The following HMCN1 variants were observed in gnomAD, a reference collection of about 807,000 sequenced individuals.
The protein encoded by HMCN1 is hemicentin-1.
In HMCN1, 321 loss-of-function variants were observed where a neutral mutation model predicts 625.9. The observed-to-expected ratio is 0.51, with a 90% CI of 0.47 to 0.56. HMCN1 has a LOEUF of 0.56. Among genes scored for constraint, HMCN1 ranks in the 20% least tolerant of loss-of-function variants. The probability of loss-of-function intolerance (pLI) is 0.00; values close to 1 mark genes in which losing one functional copy is unlikely to be tolerated. For synonymous variants in HMCN1, 2,425 were observed against 2,417.6 expected, an observed-to-expected ratio of 1.00 and a Z score of -0.09; for missense variants, 6,588 against 6,887.3, an observed-to-expected ratio of 0.96 and a Z score of 1.54.
chr1:186,129,904 G>C (rs757066357), intron 83 of HMCN1, 62 bp from the exon 84 acceptor site: 60 of 1,599,444 alleles, frequency 3.8e-5, no homozygotes, highest in Non-Finnish European at 5.1e-5. Flanking sequence ...AAAATACTGA[G>C]CTGTCGTGAA....
At chr1:185,946,753 AG>A (rs1305268732) in intron 11 of HMCN1, among the ~76,000 whole-genome samples, 1 of 152,260 alleles carries the variant, frequency 6.6e-6, no homozygotes, top group Non-Finnish European at 1.5e-5. Context: ...TGTTAAGGAA[AG>A]AAAAAATAGT....
intron 11 of HMCN1, among the ~76,000 whole-genome samples, chr1:185,951,030 G>A (rs28865948): frequency 0.05 from 6,849 of 138,094 alleles, 301 homozygotes; most frequent in African/African-American, 0.14. Flanking sequence ...AGCGTGCTGC[G>A]GGATGGGATA....
chr1:186,057,991 C>T (rs1657455193), intron 46 of HMCN1, among the ~76,000 whole-genome samples: 1 of 151,926 alleles, frequency 6.6e-6, no homozygotes, highest in Non-Finnish European at 1.5e-5. Context: ...TTATTAATGA[C>T]TTGGTTACAG....
At chr1:185,811,359 T>A (rs1201642509) in intron 1 of HMCN1, among the ~76,000 whole-genome samples, 1 of 152,098 alleles carries the variant, frequency 6.6e-6, no homozygotes, top group Non-Finnish European at 1.5e-5. Flanking sequence ...CACAGTCTAC[T>A]TGAAACAGGT....
At chr1:186,161,871 A>G (rs1651509727) in intron 97 of HMCN1, among the ~76,000 whole-genome samples, 1 of 152,014 alleles carries the variant, frequency 6.6e-6, no homozygotes, top group Non-Finnish European at 1.5e-5. Context: ...CTTCATTTCA[A>G]CTGGTGAATC....
At chr1:185,981,107 T>C (rs772913895) in intron 17 of HMCN1, 34 bp downstream of exon 17, 11 of 1,252,118 alleles carry the variant, frequency 8.8e-6, no homozygotes, top group Admixed American at 3.4e-5. Context: ...TACCATGGTC[T>C]TCAAAGTCAT....
rs773282035 is a variant in HMCN1 at position 186,018,169 on chromosome 1, G to C, written c.5301-14G>C. The C allele has an allele frequency of 5.0e-6, 8 of 1,606,278 alleles. No homozygotes were observed. The African/African-American group carries it at 1.1e-4, about 22-fold the overall frequency. On this transcript the variant is annotated splice_polypyrimidine_tract_variant and intron_variant, in intron 33 of 106. Coordinates refer to ENST00000271588, the MANE Select transcript of HMCN1 (RefSeq NM_031935.3). ...AAAATATTTATCCAGACTTCCTTTT[G>C]CCTTTTTCTATAGGTGGCTGAAGGA...
At chr1:186,045,657 T>C in intron 40 of HMCN1, 31 bp from the exon 41 acceptor site, 1 of 1,575,994 alleles carries the variant, frequency 6.3e-7, no homozygotes, top group Non-Finnish European at 8.7e-7. Flanking sequence ...TGGCCTGTTT[T>C]ATCCTGAAAG....
intron 1 of HMCN1, among the ~76,000 whole-genome samples, chr1:185,766,183 C>A (rs1038241319): frequency 1.3e-5 from 2 of 152,186 alleles, no homozygotes; most frequent in South Asian, 4.2e-4. Flanking sequence ...TCAGACCAAC[C>A]CTGCCACTGA....
chr1:186,136,189 G>A (rs1649595754), intron 86 of HMCN1, among the ~76,000 whole-genome samples: 1 of 151,760 alleles, frequency 6.6e-6, no homozygotes, highest in Non-Finnish European at 1.5e-5. Flanking sequence ...AAAAAAGAAT[G>A]AGTTAATGAC....
At chr1:185,770,402 T>G (rs1269592619) in intron 1 of HMCN1, among the ~76,000 whole-genome samples, 1 of 152,328 alleles carries the variant, frequency 6.6e-6, no homozygotes, top group East Asian at 1.9e-4. Context: ...GTGTGCTGTA[T>G]AAATGTTTTT....
At chr1:185,799,606 C>T (rs922904689) in intron 1 of HMCN1, among the ~76,000 whole-genome samples, 8 of 152,178 alleles carry the variant, frequency 5.3e-5, no homozygotes, top group East Asian at 3.9e-4. Context: ...CTTAAATGCC[C>T]GTTGTAGTGG....
chr1:186,113,853 C>A, intron 72 of HMCN1, 126 bp from the exon 73 acceptor site: 1 of 1,045,970 alleles, frequency 9.6e-7, no homozygotes, highest in Non-Finnish European at 1.5e-6. Flanking sequence ...CTTATACTAA[C>A]CTAGATTCTT....
chr1:186,060,125 T>C (rs1321813913), intron 46 of HMCN1, among the ~76,000 whole-genome samples: 1 of 152,082 alleles, frequency 6.6e-6, no homozygotes, highest in Non-Finnish European at 1.5e-5. Context: ...TAATTAGCTT[T>C]GTTTGTCTAA....
intron 1 of HMCN1, among the ~76,000 whole-genome samples, chr1:185,828,438 G>C (rs1481958951): frequency 6.6e-6 from 1 of 152,050 alleles, no homozygotes; most frequent in Non-Finnish European, 1.5e-5. Flanking sequence ...AACATTCATA[G>C]AACAAAACAA....
chr1:186,096,905 A>C (rs975050330), intron 68 of HMCN1, among the ~76,000 whole-genome samples: 12 of 152,122 alleles, frequency 7.9e-5, no homozygotes, highest in Middle Eastern at 3.2e-3. Flanking sequence ...CACAATAAAG[A>C]CTATTTATGA....
intron 81 of HMCN1, among the ~76,000 whole-genome samples, chr1:186,125,319 G>A (rs776406073): frequency 1.3e-5 from 2 of 151,996 alleles, no homozygotes; most frequent in Non-Finnish European, 2.9e-5. Context: ...GGAAAAGTCA[G>A]GGAAGCCAAA....
intron 62 of HMCN1, 84 bp downstream of exon 62, chr1:186,088,360 A>C (rs143675191): frequency 1.9e-6 from 3 of 1,597,312 alleles, no homozygotes; most frequent in African/African-American, 2.7e-5. Flanking sequence ...AGCACATTTT[A>C]AGTACCATGC....
At chr1:185,950,592 A>G (rs1051141034) in intron 11 of HMCN1, among the ~76,000 whole-genome samples, 11 of 151,806 alleles carry the variant, frequency 7.2e-5, no homozygotes, top group Middle Eastern at 3.2e-3. Flanking sequence ...TATGAGAATT[A>G]TGCCGAGATA....
Sources: gnomAD v4.1 joint callset for allele counts (sites outside exome capture counted in the v4.1 genomes callset) on GRCh38, gnomAD v4.1.1 for gene constraint, MANE v1.5 for transcripts, NCBI Gene and HGNC (gene_info 2026-07-23, HGNC 2026-07-21) for gene names.